Variants in NAALADL2 observed in about 807,000 individuals in gnomAD.
NAALADL2 encodes the protein N-acetylated alpha-linked acidic dipeptidase like 2.
Under a neutral mutation model 87.2 loss-of-function variants are expected in NAALADL2, and 76 were observed. The observed-to-expected ratio is 0.87, with a 90% CI of 0.72 to 1.05. NAALADL2 has a LOEUF of 1.05. NAALADL2 is among the 50% of genes least tolerant of loss of function. The pLI is 0.00. For synonymous variants in NAALADL2, 354 were observed against 331.0 expected (o/e 1.07, Z -0.75); for missense variants, 1,089 against 945.8 (o/e 1.15, Z -1.99).
At chr3:175,440,545 C>T (rs4894716) in intron 5 of NAALADL2, among the ~76,000 whole-genome samples, 109,469 of 151,952 alleles carry the variant, frequency 0.72, 40,018 homozygotes, top group Middle Eastern at 0.8. Context: ...TTGTTTGTGT[C>T]ATCGATGATT....
chr3:174,643,762 A>G (rs1286125526), intron 2 of NAALADL2, among the ~76,000 whole-genome samples: 3 of 152,220 alleles, frequency 2.0e-5, no homozygotes, highest in African/African-American at 7.2e-5. Context: ...TGTTTTTGGT[A>G]TCTAATTGTT....
intron 5 of NAALADL2, among the ~76,000 whole-genome samples, chr3:175,335,743 T>A (rs1443972903): frequency 6.6e-6 from 1 of 152,218 alleles, no homozygotes; most frequent in Admixed American, 6.5e-5. Flanking sequence ...TGTGTTGCAC[T>A]TTTATTTGCC....
intron 11 of NAALADL2, among the ~76,000 whole-genome samples, chr3:175,735,664 A>G (rs1189925273): frequency 6.6e-6 from 1 of 152,152 alleles, no homozygotes; most frequent in East Asian, 1.9e-4. Context: ...CTTGTGAGAC[A>G]CATTCACTAT....
At chr3:174,992,684 T>C (rs1044536267) in intron 1 of NAALADL2, among the ~76,000 whole-genome samples, 19 of 152,074 alleles carry the variant, frequency 1.2e-4, no homozygotes, top group Admixed American at 1.2e-3. Flanking sequence ...AATTTTCTTT[T>C]CTTGGAAAAA....
chr3:175,499,910 C>T (rs1171732216), intron 9 of NAALADL2, among the ~76,000 whole-genome samples: 1 of 152,012 alleles, frequency 6.6e-6, no homozygotes, highest in Non-Finnish European at 1.5e-5. Context: ...TAAAATGGTG[C>T]AGGTGAACCT....
intron 11 of NAALADL2, among the ~76,000 whole-genome samples, chr3:175,649,220 C>T (rs1380300194): frequency 6.6e-6 from 1 of 152,046 alleles, no homozygotes; most frequent in East Asian, 1.9e-4. Flanking sequence ...CAAGACTACT[C>T]ATTATTCTTT....
chr3:174,968,731 C>A (rs1183181827), intron 1 of NAALADL2, among the ~76,000 whole-genome samples: 3 of 152,274 alleles, frequency 2.0e-5, no homozygotes, highest in South Asian at 2.1e-4. Context: ...GCCGCCTCGG[C>A]CTCCCAAAGT....
chr3:175,221,770 T>TTTATTTAC (rs1553819488), intron 2 of NAALADL2, among the ~76,000 whole-genome samples: 1 of 151,564 alleles, frequency 6.6e-6, no homozygotes, highest in African/African-American at 2.4e-5. Flanking sequence ...TATTTATTTA[T>TTTATTTAC]TTATTTATTT....
chr3:175,013,158 T>TATATATAC (rs1553916768), intron 1 of NAALADL2, among the ~76,000 whole-genome samples: 5 of 91,394 alleles, frequency 5.5e-5, no homozygotes, highest in Admixed American at 2.3e-4. Flanking sequence ...CATATTTATA[T>TATATATAC]ATAAATATGT....
intron 2 of NAALADL2, among the ~76,000 whole-genome samples, chr3:174,569,026 A>C (rs1027649569): frequency 6.6e-6 from 1 of 151,642 alleles, no homozygotes; most frequent in Non-Finnish European, 1.5e-5. Flanking sequence ...ATATATGATT[A>C]TATTGTATCT....
intron 11 of NAALADL2, among the ~76,000 whole-genome samples, chr3:175,715,039 T>G (rs1473720036): frequency 6.6e-6 from 1 of 152,228 alleles, no homozygotes; most frequent in Non-Finnish European, 1.5e-5. Flanking sequence ...GTACTAATGT[T>G]TGAGAAAGAT....
At chr3:174,886,850 T>G (rs1209529431) in intron 1 of NAALADL2, among the ~76,000 whole-genome samples, 1 of 152,212 alleles carries the variant, frequency 6.6e-6, no homozygotes, top group Non-Finnish European at 1.5e-5. Context: ...CTACTTCTCC[T>G]TTTATATTAT....
intron 1 of NAALADL2, among the ~76,000 whole-genome samples, chr3:174,486,772 A>G (rs894602912): frequency 2.0e-5 from 3 of 151,988 alleles, no homozygotes; most frequent in Non-Finnish European, 2.9e-5. Flanking sequence ...TACAATAGTT[A>G]ATTAGTTATA....
intron 5 of NAALADL2, among the ~76,000 whole-genome samples, chr3:175,367,109 A>C (rs1379695816): frequency 2.0e-5 from 3 of 151,184 alleles, no homozygotes; most frequent in African/African-American, 7.4e-5. Flanking sequence ...CCATTTATTA[A>C]ATAGGGAATC....
chr3:175,371,185 TTC>T (rs1473768906), intron 5 of NAALADL2, among the ~76,000 whole-genome samples: 2 of 152,198 alleles, frequency 1.3e-5, no homozygotes, highest in East Asian at 1.9e-4. Flanking sequence ...ATCTTAAAAG[TTC>T]TCCTTCATTG....
chr3:175,077,915 A>G (rs1257151628), intron 1 of NAALADL2, among the ~76,000 whole-genome samples: 1 of 152,112 alleles, frequency 6.6e-6, no homozygotes, highest in African/African-American at 2.4e-5. Flanking sequence ...AGACTGGAAT[A>G]TATAGTTTTA....
chr3:175,241,855 A>AT (rs779567135), intron 3 of NAALADL2, among the ~76,000 whole-genome samples: 47 of 83,820 alleles, frequency 5.6e-4, no homozygotes, highest in African/African-American at 1.1e-3. Context: ...TGGATGCTGA[A>AT]TTTTTTTTTT....
At chr3:174,791,597 T>C (rs762140311) in intron 3 of NAALADL2, among the ~76,000 whole-genome samples, 1 of 152,208 alleles carries the variant, frequency 6.6e-6, no homozygotes, top group Non-Finnish European at 1.5e-5. Flanking sequence ...AAAAAGACAG[T>C]ACCATGTAAG....
At chr3:175,393,059 G>C (rs1769264755) in intron 5 of NAALADL2, among the ~76,000 whole-genome samples, 1 of 151,878 alleles carries the variant, frequency 6.6e-6, no homozygotes, top group Non-Finnish European at 1.5e-5. Flanking sequence ...TGGATCATGA[G>C]GTCAGGAGAT....
Sources: gnomAD v4.1 joint callset for allele counts (sites outside exome capture counted in the v4.1 genomes callset) on GRCh38, gnomAD v4.1.1 for gene constraint, MANE v1.5 for transcripts, NCBI Gene and HGNC (gene_info 2026-07-23, HGNC 2026-07-21) for gene names.